FLYWCH1: variants seen among roughly 807,000 people sequenced by gnomAD.
FLYWCH1 encodes the protein FLYWCH-type zinc finger 1.
A neutral mutation model predicts 66.4 loss-of-function variants in FLYWCH1; 75 were observed. That is an observed-to-expected ratio of 1.13 (90% confidence interval 0.94 to 1.37). FLYWCH1 has a LOEUF of 1.37. Among genes scored for constraint, FLYWCH1 ranks in the 40% most tolerant of loss-of-function variants. FLYWCH1 has a pLI of 0.00. For missense variants in FLYWCH1, 1,334 were observed against 1,001.8 expected (o/e 1.33, Z -4.48); for synonymous variants, 595 against 429.9 (o/e 1.38, Z -4.75).
intron 7 of FLYWCH1, 55 bp downstream of exon 7, chr16:2,937,439 C>A: frequency 6.8e-7 from 1 of 1,474,644 alleles, no homozygotes; most frequent in Non-Finnish European, 8.9e-7. Context: ...ACCTGTGCCC[C>A]ACACGCTGGC....
At position 2,930,485 on chromosome 16, in the gene FLYWCH1, A is replaced by C; in HGVS notation, c.401A>C (p.Lys134Thr). 6.6e-7 allele frequency: 1 copy of C among 1,526,230 alleles called. No individual in the cohort carries two copies. Among genetic ancestry groups the C allele is most frequent in the Non-Finnish European group, 8.8e-7 (1 of 1,140,750 alleles). The allele number at this position is 1,526,230 out of a possible 1,614,324, so 94.5% of individuals were successfully genotyped here. A position where few individuals can be genotyped will look rare whatever the true frequency, so the allele number is the denominator to read the frequency against. The change falls in exon 4 of 10, where the codon AAG becomes ACG. Residue 134 changes from lysine to threonine, a missense_variant. By Grantham distance (78) the Lys-to-Thr change is moderately conservative (BLOSUM62 -1). Coordinates refer to ENST00000253928, the MANE Select transcript of FLYWCH1 (RefSeq NM_001308068.2). ...RLLVLESFLYKQEKAVGDKVY... is the reference protein window; with the variant it reads ...RLLVLESFLYTQEKAVGDKVY... ...CTGGTGCTGGAGTCCTTCCTGTACA[A>C]GCAGGAGAAGGCAGTGGGGGACAAG...
chr16:2,942,918 T>A (rs910488661), intron 9 of FLYWCH1, among the ~76,000 whole-genome samples: 2 of 151,540 alleles, frequency 1.3e-5, no homozygotes, highest in Admixed American at 1.3e-4. Flanking sequence ...GCTAGGCTGG[T>A]CACGAACTCC....
chr16:2,941,950 T>C (rs28850599), intron 9 of FLYWCH1, among the ~76,000 whole-genome samples: 35,121 of 134,564 alleles, frequency 0.26, 5,591 homozygotes, highest in African/African-American at 0.44. Flanking sequence ...TGAGTCGAGA[T>C]TGCGCCACTG....
chr16:2,932,927 A>G (rs2070821580), intron 4 of FLYWCH1, among the ~76,000 whole-genome samples: 1 of 151,736 alleles, frequency 6.6e-6, no homozygotes, highest in Non-Finnish European at 1.5e-5. Context: ...TAGGAGAGGA[A>G]TGAGACTCTC....
At chr16:2,930,181 C>T (rs1157729513) in intron 3 of FLYWCH1, among the ~76,000 whole-genome samples, 171 bp downstream of exon 3, 1 of 152,056 alleles carries the variant, frequency 6.6e-6, no homozygotes, top group African/African-American at 2.4e-5. Flanking sequence ...AGTCAGGTAC[C>T]AGGAGCTCCT....
At chr16:2,914,908 CAAAAAAAA>C (rs555910638) in intron 2 of FLYWCH1, among the ~76,000 whole-genome samples, 1 of 72,708 alleles carries the variant, frequency 1.4e-5, no homozygotes, top group Non-Finnish European at 2.7e-5. Context: ...GACTCTGTCT[CAAAAAAAA>C]AAAAAAAAAA....
chr16:2,933,606 C>T (rs766213266), intron 5 of FLYWCH1, 24 bp downstream of exon 5: 3 of 1,570,222 alleles, frequency 1.9e-6, no homozygotes, highest in African/African-American at 2.7e-5. Flanking sequence ...CTTTGGGGCT[C>T]ACCGGCCCTG....
intron 9 of FLYWCH1, among the ~76,000 whole-genome samples, chr16:2,948,021 A>G (rs2071555366): frequency 6.6e-6 from 1 of 152,030 alleles, no homozygotes; most frequent in Admixed American, 6.6e-5. Flanking sequence ...AGCCTGGGTG[A>G]CAGAGTGACA....
At chr16:2,939,244 G>T (rs762815436) in intron 8 of FLYWCH1, among the ~76,000 whole-genome samples, 1 of 152,092 alleles carries the variant, frequency 6.6e-6, no homozygotes, top group Admixed American at 6.6e-5. Flanking sequence ...TCAGGAGTTC[G>T]AGACCATCCT....
intron 9 of FLYWCH1, among the ~76,000 whole-genome samples, chr16:2,947,393 G>T (rs1031229903): frequency 1.4e-5 from 2 of 144,216 alleles, no homozygotes; most frequent in Non-Finnish European, 3.0e-5. Flanking sequence ...TTGCAGTGAT[G>T]GTTGTACAAC....
intron 2 of FLYWCH1, among the ~76,000 whole-genome samples, chr16:2,916,012 C>T (rs1445789982): frequency 6.6e-6 from 1 of 152,046 alleles, no homozygotes; most frequent in Non-Finnish European, 1.5e-5. Flanking sequence ...CCTGAGTTTG[C>T]CTGCCTGGAA....
At position 2,933,614 on chromosome 16, in the gene FLYWCH1, C is replaced by T. The variant is rs376340438; in HGVS notation, c.1249+32C>T. 89 of 1,565,066 alleles carry T rather than the reference C, an allele frequency of 5.7e-5. 1 individual carries two copies. In the African/African-American group the frequency reaches 7.3e-4, roughly 13 times the overall value. ...TGCCTTCCTTTGGGGCTCACCGGCC[C>T]TGCCTTGACTCTTGCCTCCAGAGGT... On this transcript the variant is annotated intron_variant, in intron 5 of 9. Coordinates refer to ENST00000253928, the MANE Select transcript of FLYWCH1 (RefSeq NM_001308068.2).
chr16:2,916,226 T>A (rs187009863), intron 2 of FLYWCH1, among the ~76,000 whole-genome samples: 1 of 152,292 alleles, frequency 6.6e-6, no homozygotes, highest in Non-Finnish European at 1.5e-5. Context: ...GTGCCTGTAA[T>A]CCTAGCTACT....
At chr16:2,931,039 T>G (rs2070744738) in intron 4 of FLYWCH1, among the ~76,000 whole-genome samples, 159 bp downstream of exon 4, 1 of 152,096 alleles carries the variant, frequency 6.6e-6, no homozygotes, top group African/African-American at 2.4e-5. Flanking sequence ...GCACAGTGGC[T>G]CACGCCTATA....
chr16:2,924,157 C>T (rs1247946211), intron 2 of FLYWCH1, among the ~76,000 whole-genome samples: 3 of 151,968 alleles, frequency 2.0e-5, no homozygotes, highest in South Asian at 2.1e-4. Context: ...GGTGAAACCC[C>T]GTCTCTACTA....
chr16:2,916,369 C>G (rs2070167628), intron 2 of FLYWCH1, among the ~76,000 whole-genome samples: 1 of 151,144 alleles, frequency 6.6e-6, no homozygotes, highest in African/African-American at 2.4e-5. Context: ...GGTGTGGTGG[C>G]TCACGCCTGT....
intron 6 of FLYWCH1, chr16:2,936,482 C>T (rs1178070189): frequency 6.8e-6 from 3 of 443,496 alleles, no homozygotes; most frequent in Admixed American, 4.8e-5. Flanking sequence ...CTAGGGCTTG[C>T]TACCCACCCC....
chr16:2,916,220 C>T (rs2070162552), intron 2 of FLYWCH1, among the ~76,000 whole-genome samples: 1 of 152,146 alleles, frequency 6.6e-6, no homozygotes, highest in South Asian at 2.1e-4. Context: ...TGGTGCGTGC[C>T]TGTAATCCTA....
chr16:2,925,733 G>A (rs988405650), intron 2 of FLYWCH1, among the ~76,000 whole-genome samples: 1 of 152,148 alleles, frequency 6.6e-6, no homozygotes, highest in Admixed American at 6.5e-5. Flanking sequence ...GGAGGAACAG[G>A]CTGGGCCGGG....
Sources: allele counts gnomAD v4.1 joint callset (sites outside exome capture counted in the v4.1 genomes callset), GRCh38; gene constraint gnomAD v4.1.1; transcripts MANE v1.5; gene names NCBI Gene and HGNC (gene_info 2026-07-23, HGNC 2026-07-21).